Variants in CDS2 observed in about 807,000 individuals in gnomAD.
CDS2 encodes phosphatidate cytidylyltransferase 2.
CDS2 carries 47 observed loss-of-function variants against 59.0 expected under a neutral mutation model. The ratio of observed to expected loss-of-function variants is 0.80; its 90% CI spans 0.63 to 1.02. The LOEUF (loss-of-function observed/expected upper bound fraction) is 1.02, where lower values mean the gene tolerates loss of function less well. CDS2 is among the 50% of genes least tolerant of loss of function. The pLI, the probability that CDS2 is intolerant of heterozygous loss-of-function variation, is 0.00. For missense variants in CDS2, 356 were observed against 558.9 expected, an observed-to-expected ratio of 0.64 and a Z score of 3.66; for synonymous variants, 207 against 206.4, an observed-to-expected ratio of 1.00 and a Z score of -0.02.
In CDS2 at chr20:5,184,946, G is replaced by A. The variant is rs2091056690; in HGVS notation, c.759+1G>A. ...CTTTGGTCGGACCCCACTCATCAAG[G>A]TAAATGGATTACCCTAATGTGAAAT... On this transcript the variant is annotated splice_donor_variant, in intron 8 of 12. Coordinates refer to ENST00000460006, the MANE Select transcript of CDS2 (RefSeq NM_003818.4). LOFTEE classifies it high-confidence loss of function. The surrounding 1 kb of genome is among the most constrained non-coding windows in gnomAD (Gnocchi z 4.3). 3.1e-6 allele frequency: 5 copies of A among 1,605,578 alleles called. No homozygotes were observed. Among genetic ancestry groups the A allele is most frequent in the Non-Finnish European group, 4.3e-6 (5 of 1,172,300 alleles).
chr20:5,194,297 A>G lies in CDS2; in HGVS notation c.*4063A>G, dbSNP rs1857490169. The stretch of plus-strand genomic sequence containing the variant: ...TTGTTGGGTGGGGGCCTTGTGCCAC[A>G]ACCTGCATGGGGTGCTAGGGTTTAA... On this transcript the variant is annotated 3_prime_UTR_variant, in exon 13 of 13. Coordinates refer to ENST00000460006, the MANE Select transcript of CDS2 (RefSeq NM_003818.4). 2.0e-5 allele frequency: 3 copies of G among 152,354 alleles called. No individual in the cohort carries two copies. Among genetic ancestry groups the G allele is most frequent in the Admixed American group, 2.0e-4 (3 of 15,286 alleles). 9.4% of individuals were successfully genotyped at this position (152,354 alleles called of 1,614,324 possible).
chr20:5,193,095 TG>T lies in CDS2; in HGVS notation c.*2864del, dbSNP rs1430549848. 6.6e-6 allele frequency: 1 copy of T among 152,234 alleles called. No homozygotes were observed. Among genetic ancestry groups the T allele is most frequent in the East Asian group, 1.9e-4 (1 of 5,198 alleles). 9.4% of individuals were successfully genotyped at this position (152,234 alleles called of 1,614,324 possible). ...AGGGGGTCATAGAAACCAGGGCTGA[TG>T]GGCACCCCCCAGCCCCTGGGAGCTC... On this transcript the variant is annotated 3_prime_UTR_variant, in exon 13 of 13. Coordinates refer to ENST00000460006, the MANE Select transcript of CDS2 (RefSeq NM_003818.4).
chr20:5,153,510 G>A (rs1294824155), intron 1 of CDS2, among the ~76,000 whole-genome samples: 1 of 152,092 alleles, frequency 6.6e-6, no homozygotes, highest in Non-Finnish European at 1.5e-5. Context: ...AGACCCGGTA[G>A]GTCTCAACCT....
At chr20:5,173,180 A>G (rs1568540039) in intron 1 of CDS2, among the ~76,000 whole-genome samples, 3 of 152,266 alleles carry the variant, frequency 2.0e-5, no homozygotes, top group African/African-American at 4.8e-5. Flanking sequence ...TAGCAGGCTC[A>G]GGGATAACCT....
rs2091071213 is a variant in CDS2 at position 5,186,753 on chromosome 20, A to G, written c.895A>G (p.Ser299Gly). The G allele has an allele frequency of 6.2e-7, 1 of 1,614,102 alleles. No individual in the cohort carries two copies. The highest frequency in any genetic ancestry group is 8.5e-7 in the Non-Finnish European group (1 of 1,179,984). ...CPVEYNNDTNSFTVDCEPSDL... is the reference protein window; with the variant it reads ...CPVEYNNDTNGFTVDCEPSDL... Reference sequence around the variant, plus strand: ...TGTGGAGTACAACAATGACACCAACAGCTTCACTGTGGACTGTGAGCCCTC... The same window carrying G: ...TGTGGAGTACAACAATGACACCAACGGCTTCACTGTGGACTGTGAGCCCTC... The change falls in exon 10 of 13, where the codon AGC becomes GGC. Residue 299 changes from serine to glycine, a missense_variant. By Grantham distance (56) the Ser-to-Gly change is moderately conservative (BLOSUM62 0). This residue lies in a region of CDS2 where 88 missense variants were observed against 103.6 expected (regional missense o/e 0.85). Transcript: ENST00000460006.
chr20:5,185,741 T>C lies in CDS2; in HGVS notation c.760-17T>C, dbSNP rs1299827169. ...TATCAAAACACCCTTTGCTGAGAAC[T>C]TGCTCTCTGTCCACAGCTGTCCCCG... On this transcript the variant is annotated splice_polypyrimidine_tract_variant and intron_variant, in intron 8 of 12. Coordinates refer to ENST00000460006, the MANE Select transcript of CDS2 (RefSeq NM_003818.4). 6.2e-7 allele frequency: 1 copy of C among 1,612,880 alleles called. No individual in the cohort carries two copies. Among genetic ancestry groups the C allele is most frequent in the African/African-American group, 1.3e-5 (1 of 75,034 alleles).
chr20:5,170,238 C>T (rs907328397), intron 1 of CDS2, among the ~76,000 whole-genome samples: 72 of 125,722 alleles, frequency 5.7e-4, no homozygotes, highest in African/African-American at 2.1e-3. Flanking sequence ...TGACATCTCC[C>T]CACCTCGCTG....
At chr20:5,186,574 G>T in intron 9 of CDS2, 113 bp from the exon 10 acceptor site, 1 of 918,100 alleles carries the variant, frequency 1.1e-6, no homozygotes, top group South Asian at 1.5e-5. Flanking sequence ...CACATAGCTC[G>T]CAGTTAGCAG....
At chr20:5,145,119 A>G (rs1273748628) in intron 1 of CDS2, among the ~76,000 whole-genome samples, 6 of 151,780 alleles carry the variant, frequency 4.0e-5, no homozygotes, top group Non-Finnish European at 8.8e-5. Flanking sequence ...GACAAGACAC[A>G]GTAGTGTCTT....
intron 1 of CDS2, among the ~76,000 whole-genome samples, chr20:5,144,837 C>T (rs940290012): frequency 6.6e-5 from 10 of 152,084 alleles, no homozygotes; most frequent in African/African-American, 9.7e-5. Flanking sequence ...TGGCTTGATC[C>T]GGTCCTTTCC....
intron 5 of CDS2, among the ~76,000 whole-genome samples, chr20:5,181,485 A>G (rs2091033423): frequency 1.3e-5 from 2 of 152,228 alleles, no homozygotes; most frequent in Admixed American, 6.5e-5. Context: ...AAGCAAGTCT[A>G]TTAAGAAAGT....
intron 1 of CDS2, among the ~76,000 whole-genome samples, chr20:5,135,859 A>T (rs944726671): frequency 1.2e-4 from 18 of 152,196 alleles, no homozygotes; most frequent in African/African-American, 3.6e-4. Flanking sequence ...GCCTCTCCCC[A>T]GGGACAGCCT....
chr20:5,151,090 T>A (rs1259869234), intron 1 of CDS2, among the ~76,000 whole-genome samples: 2 of 152,224 alleles, frequency 1.3e-5, no homozygotes, highest in Non-Finnish European at 2.9e-5. Context: ...GAACCAGGCC[T>A]CTGGTTTCGG....
intron 1 of CDS2, among the ~76,000 whole-genome samples, chr20:5,160,053 C>T (rs532472642): frequency 1.9e-4 from 29 of 151,184 alleles, no homozygotes; most frequent in Non-Finnish European, 8.9e-5. Context: ...ACTGGCTGCT[C>T]ATATGCCGAT....
At chr20:5,165,898 C>T (rs976701933) in intron 1 of CDS2, among the ~76,000 whole-genome samples, 9 of 152,180 alleles carry the variant, frequency 5.9e-5, no homozygotes, top group African/African-American at 2.2e-4. Flanking sequence ...AAAGTACAAC[C>T]TGTTCTAGAA....
chr20:5,154,803 A>G (rs923360854), intron 1 of CDS2, among the ~76,000 whole-genome samples: 5 of 152,096 alleles, frequency 3.3e-5, no homozygotes, highest in Non-Finnish European at 7.4e-5. Context: ...GCGTGCCACT[A>G]CACTCATTTA....
rs754070730 is a variant in CDS2, at chr20:5,184,989, G to A, written c.759+44G>A. 2.2e-6 allele frequency: 3 copies of A among 1,392,448 alleles called. No homozygotes were observed. Among genetic ancestry groups the A allele is most frequent in the Non-Finnish European group, 2.0e-6 (2 of 978,104 alleles). The allele number at this position is 1,392,448 out of a possible 1,614,324, so 86.3% of individuals were successfully genotyped here. ...TGTGAAATACCACTGTGAGGGGAGG[G>A]TGGTGCTCTCAATGTGAGTAGATCA... On this transcript the variant is annotated intron_variant, in intron 8 of 12. Transcript: ENST00000460006. The surrounding 1 kb of genome is among the most constrained non-coding windows in gnomAD (Gnocchi z 4.3).
Position 5,184,757 on chromosome 20 carries a change from TG to T in CDS2, c.672-98del. The stretch of plus-strand genomic sequence containing the variant: ...TCCTTAATGGGTTACCAGAATTTTA[TG>T]GGTGATTTTGGTGCTGGAATTTAAG... On this transcript the variant is annotated intron_variant, in intron 7 of 12. Coordinates refer to ENST00000460006, the MANE Select transcript of CDS2 (RefSeq NM_003818.4). This position sits in a 1 kb window ranked among gnomAD's most constrained non-coding sequence, Gnocchi z 4.3. 1.1e-6 allele frequency: 1 copy of T among 898,084 alleles called. No homozygotes were observed. The highest frequency in any genetic ancestry group is 1.9e-6 in the Non-Finnish European group (1 of 538,068). The allele number at this position is 898,084 out of a possible 1,614,324, so 55.6% of individuals were successfully genotyped here. A position where few individuals can be genotyped will look rare whatever the true frequency, so the allele number is the denominator to read the frequency against.
chr20:5,168,824 C>T (rs1298507250), intron 1 of CDS2, among the ~76,000 whole-genome samples: 2 of 152,210 alleles, frequency 1.3e-5, no homozygotes, highest in Admixed American at 1.3e-4. Context: ...CCCCTCCTGC[C>T]CACTGCTCCC....
Sources: allele counts gnomAD v4.1 joint callset (sites outside exome capture counted in the v4.1 genomes callset), GRCh38; gene constraint gnomAD v4.1.1; regional missense constraint gnomAD v4.1.1; non-coding constraint Gnocchi (gnomAD v3.1); transcripts MANE v1.5; gene names NCBI Gene and HGNC (gene_info 2026-07-23, HGNC 2026-07-21).